Variants in DIO2 observed in about 807,000 individuals in gnomAD.
The protein encoded by DIO2 is type II iodothyronine deiodinase.
DIO2 carries 19 observed loss-of-function variants against 21.4 expected under a neutral mutation model. The observed-to-expected ratio is 0.89, with a 90% CI of 0.62 to 1.30. The LOEUF is 1.30. Ranked by LOEUF, DIO2 falls within the 50% of genes most tolerant of loss-of-function variation. The probability of loss-of-function intolerance (pLI) is 0.00; values close to 1 mark genes in which losing one functional copy is unlikely to be tolerated. For missense variants in DIO2, 302 were observed against 338.1 expected, an observed-to-expected ratio of 0.89 and a Z score of 0.84; for synonymous variants, 122 against 132.9, an observed-to-expected ratio of 0.92 and a Z score of 0.57.
upstream of DIO2, among the ~76,000 whole-genome samples, chr14:80,212,826 G>T (rs1888257585): frequency 1.4e-5 from 2 of 146,022 alleles, no homozygotes; most frequent in African/African-American, 2.5e-5. Flanking sequence ...TTTCTTTTTA[G>T]TTTTACCCAA....
At chr14:80,226,262 T>C (rs1191133186) in intron 2 of DIO2, among the ~76,000 whole-genome samples, 1 of 152,158 alleles carries the variant, frequency 6.6e-6, no homozygotes, top group Non-Finnish European at 1.5e-5. Context: ...ATTCTATCAA[T>C]CCAGCTGCTT....
intron 1 of DIO2, among the ~76,000 whole-genome samples, chr14:80,207,820 T>A (rs2140003524): frequency 6.6e-6 from 1 of 152,296 alleles, no homozygotes; most frequent in Middle Eastern, 3.4e-3. Context: ...TCCCCAATGT[T>A]TTATCCAAGT....
Position 80,201,226 on chromosome 14 carries a change from A to T in DIO2, c.*1463T>A, listed in dbSNP as rs1887707540. 1.3e-5 allele frequency: 2 copies of T among 152,002 alleles called. No individual in the cohort carries two copies. Among genetic ancestry groups the T allele is most frequent in the African/African-American group, 2.4e-5 (1 of 41,426 alleles). 9.4% of individuals were successfully genotyped at this position (152,002 alleles called of 1,614,324 possible). A position where few individuals can be genotyped will look rare whatever the true frequency, so the allele number is the denominator to read the frequency against. ...ACTTTAGATTACTAAACCTCAGCTA[A>T]TGGGACCAAGGGAAGATCCAAGTCC... On this transcript the variant is annotated 3_prime_UTR_variant, in exon 2 of 2. Transcript: ENST00000438257.
upstream of DIO2, among the ~76,000 whole-genome samples, chr14:80,215,562 G>A (rs763751134): frequency 3.9e-5 from 6 of 152,072 alleles, no homozygotes; most frequent in East Asian, 1.9e-4. Flanking sequence ...CCTTTGTTTC[G>A]TGGAATTTTA....
chr14:80,204,404 A>T (rs1887870952), intron 1 of DIO2, among the ~76,000 whole-genome samples: 1 of 152,226 alleles, frequency 6.6e-6, no homozygotes, highest in South Asian at 2.1e-4. Context: ...TAGAGATAAA[A>T]ATTGTTTCAT....
intron 2 of DIO2, among the ~76,000 whole-genome samples, chr14:80,220,048 G>A (rs995763401): frequency 7.9e-5 from 12 of 151,906 alleles, no homozygotes; most frequent in African/African-American, 2.9e-4. Context: ...TTTTGTGTGT[G>A]TGTGTGTGTG....
intron 2 of DIO2, among the ~76,000 whole-genome samples, chr14:80,230,079 G>T (rs1338014261): frequency 6.6e-6 from 1 of 152,128 alleles, no homozygotes; most frequent in Admixed American, 6.6e-5. Context: ...AGGCAGCATA[G>T]GGTTTATCTC....
At chr14:80,210,505 A>C (rs1406803800) in intron 1 of DIO2, among the ~76,000 whole-genome samples, 1 of 152,164 alleles carries the variant, frequency 6.6e-6, no homozygotes, top group African/African-American at 2.4e-5. Flanking sequence ...ATCTCTTTCT[A>C]GGGCAACGTA....
intron 2 of DIO2, among the ~76,000 whole-genome samples, chr14:80,217,102 A>G: frequency 6.6e-6 from 1 of 152,222 alleles, no homozygotes; most frequent in East Asian, 1.9e-4. Context: ...AGGCTCAAAG[A>G]AAATAAACTA....
chr14:80,216,978 A>G (rs541754980), intron 2 of DIO2, among the ~76,000 whole-genome samples: 1 of 152,304 alleles, frequency 6.6e-6, no homozygotes. Context: ...AAGCATGACA[A>G]AATATACTAA....
Position 80,202,401 on chromosome 14 carries a change from T to A in DIO2, c.*288A>T. The A allele has an allele frequency of 1.5e-6, 1 of 647,058 alleles. No homozygotes were observed. The highest frequency in any genetic ancestry group is 1.4e-5 in the South Asian group (1 of 72,724). The allele number at this position is 647,058 out of a possible 1,614,324, so 40.1% of individuals were successfully genotyped here. On this transcript the variant is annotated 3_prime_UTR_variant, in exon 2 of 2. Transcript: ENST00000438257. ...ATGCATCAGATGTATCAGTTCCTTC[T>A]CAATGCAGAATGAACACATGCTGAA...
At chr14:80,204,472 C>A (rs546516296) in intron 1 of DIO2, among the ~76,000 whole-genome samples, 4 of 152,214 alleles carry the variant, frequency 2.6e-5, no homozygotes, top group Admixed American at 1.3e-4. Context: ...AAGTTTGCAG[C>A]CTTTGAATCT....
chr14:80,218,320 A>C (rs1337534855), intron 2 of DIO2, among the ~76,000 whole-genome samples: 1 of 152,160 alleles, frequency 6.6e-6, no homozygotes, highest in Non-Finnish European at 1.5e-5. Context: ...ACTTGATGGA[A>C]ACTTTGGATG....
intron 2 of DIO2, among the ~76,000 whole-genome samples, chr14:80,222,860 CTT>C (rs200049777): frequency 3.8e-4 from 53 of 138,646 alleles, no homozygotes; most frequent in Admixed American, 4.4e-4. Context: ...TTCTTTGTTT[CTT>C]TTTTTTTTTT....
chr14:80,209,260 T>C (rs900648680), intron 1 of DIO2, among the ~76,000 whole-genome samples: 1 of 152,150 alleles, frequency 6.6e-6, no homozygotes, highest in Non-Finnish European at 1.5e-5. Context: ...CCATTGTTTA[T>C]ATGAGAGATG....
intron 2 of DIO2, among the ~76,000 whole-genome samples, chr14:80,230,261 G>T (rs936704252): frequency 6.6e-6 from 1 of 152,104 alleles, no homozygotes; most frequent in African/African-American, 2.4e-5. Context: ...AAATTTCAGG[G>T]TCCCATTCTT....
At chr14:80,210,229 G>A (rs574698897) in intron 1 of DIO2, among the ~76,000 whole-genome samples, 1 of 152,190 alleles carries the variant, frequency 6.6e-6, no homozygotes, top group African/African-American at 2.4e-5. Flanking sequence ...ACCTTTAGAA[G>A]TCATATGGGC....
chr14:80,227,995 G>C (rs535060851), intron 2 of DIO2, among the ~76,000 whole-genome samples: 1 of 152,286 alleles, frequency 6.6e-6, no homozygotes, highest in Admixed American at 6.5e-5. Flanking sequence ...AAGGTAGAAG[G>C]TCCCTGAATT....
In DIO2 at chr14:80,203,256, A is replaced by G; in HGVS notation, c.255T>C (p.Ser85=). 6 of 1,600,552 alleles carry G rather than the reference A, an allele frequency of 3.7e-6. No homozygotes were observed. The highest frequency in any genetic ancestry group is 4.3e-6 in the Non-Finnish European group (5 of 1,173,130). Residue 85 remains serine, a synonymous_variant, in exon 2 of 2, where the codon AGT becomes AGC. Coordinates refer to ENST00000438257, the MANE Select transcript of DIO2 (RefSeq NM_013989.5). ...VKLGEDAPNS[S]VVHVSSTEGG... Reference sequence around the variant, plus strand: ...CTTCTGTACTGGAGACATGCACCACACTGGAATTGGGGGCATCCTCACCCA... The same window carrying G: ...CTTCTGTACTGGAGACATGCACCACGCTGGAATTGGGGGCATCCTCACCCA...
Sources: allele counts gnomAD v4.1 joint callset (sites outside exome capture counted in the v4.1 genomes callset), GRCh38; gene constraint gnomAD v4.1.1; transcripts MANE v1.5; gene names NCBI Gene and HGNC (gene_info 2026-07-23, HGNC 2026-07-21).